Variants in PGM5 observed in about 807,000 individuals in gnomAD.
The protein encoded by PGM5 is phosphoglucomutase 5.
In PGM5, 23 loss-of-function variants were observed where a neutral mutation model predicts 59.2. The ratio of observed to expected loss-of-function variants is 0.39; its 90% CI spans 0.28 to 0.55. The LOEUF is 0.55. Among genes scored for constraint, PGM5 ranks in the 20% least tolerant of loss-of-function variants. PGM5 has a pLI of 0.66. For synonymous variants in PGM5, 214 were observed against 286.0 expected (o/e 0.75, Z 2.54); for missense variants, 574 against 748.3 (o/e 0.77, Z 2.72).
chr9:68,428,686 C>T (rs1823290088), intron 6 of PGM5: 5 of 152,202 alleles, frequency 3.3e-5, no homozygotes, highest in Admixed American at 3.3e-4. Flanking sequence ...ACACTCTGCT[C>T]TGTGCTTCTC....
intron 4 of PGM5, among the ~76,000 whole-genome samples, chr9:68,388,867 T>C (rs1822294617): frequency 6.6e-6 from 1 of 150,502 alleles, no homozygotes; most frequent in African/African-American, 2.4e-5. Flanking sequence ...AGTGTTCCTC[T>C]GTTTTTCAAT....
intron 7 of PGM5, among the ~76,000 whole-genome samples, chr9:68,467,877 T>G (rs1458070790): frequency 6.6e-6 from 1 of 152,206 alleles, no homozygotes; most frequent in African/African-American, 2.4e-5. Context: ...TTATAGTAAT[T>G]ATTAATTTAA....
chr9:68,459,992 G>A (rs1823833490), intron 6 of PGM5, among the ~76,000 whole-genome samples: 1 of 152,166 alleles, frequency 6.6e-6, no homozygotes, highest in Non-Finnish European at 1.5e-5. Context: ...GGGTCTGAGA[G>A]TTCAGTGTGT....
At chr9:68,510,499 T>C (rs1824732803) in intron 10 of PGM5, among the ~76,000 whole-genome samples, 1 of 152,134 alleles carries the variant, frequency 6.6e-6, no homozygotes, top group African/African-American at 2.4e-5. Context: ...TTTTCCAGTT[T>C]TGTGATCTTG....
intron 6 of PGM5, among the ~76,000 whole-genome samples, chr9:68,448,019 A>G (rs528208439): frequency 5.3e-5 from 8 of 152,300 alleles, no homozygotes; most frequent in Middle Eastern, 3.4e-3. Flanking sequence ...TAGAAATTTC[A>G]CTGAAATAAA....
At chr9:68,421,636 G>A (rs1280336710) in intron 6 of PGM5, among the ~76,000 whole-genome samples, 1 of 152,088 alleles carries the variant, frequency 6.6e-6, no homozygotes. Context: ...AGAATCACTT[G>A]AACCCGGGAG....
At chr9:68,375,857 A>T (rs548281538) in intron 1 of PGM5, among the ~76,000 whole-genome samples, 48 of 152,358 alleles carry the variant, frequency 3.2e-4, no homozygotes, top group African/African-American at 1.1e-3. Flanking sequence ...AACCCAAAAG[A>T]CAGTAGAGGG....
intron 9 of PGM5, among the ~76,000 whole-genome samples, chr9:68,492,936 G>T (rs1015435207): frequency 1.3e-5 from 2 of 152,204 alleles, no homozygotes; most frequent in African/African-American, 4.8e-5. Context: ...ATAAATCGTT[G>T]TGATTTCCTG....
chr9:68,519,897 C>CAATA (rs58819780), intron 10 of PGM5, among the ~76,000 whole-genome samples: 25,291 of 139,702 alleles, frequency 0.18, 2,450 homozygotes, highest in Non-Finnish European at 0.21. Context: ...CTTGTCTTTA[C>CAATA]AATAAATAAA....
chr9:68,496,180 C>A (rs1554688138), intron 9 of PGM5, among the ~76,000 whole-genome samples: 2 of 152,178 alleles, frequency 1.3e-5, no homozygotes, highest in Non-Finnish European at 2.9e-5. Context: ...GGAAACTTTG[C>A]AAGTCTTGGT....
Position 68,391,520 on chromosome 9 carries a change from G to T in PGM5, c.698-14G>T. ...TTCTGCAAATATTTAATATTGCTGT[G>T]TATCTATTTTTAGTTATGGGACCTT... On this transcript the variant is annotated splice_polypyrimidine_tract_variant and intron_variant, in intron 4 of 10. Coordinates refer to ENST00000396396, the MANE Select transcript of PGM5 (RefSeq NM_021965.4). 2 of 1,612,650 alleles carry T rather than the reference G, an allele frequency of 1.2e-6. No individual in the cohort carries two copies. The highest frequency in any genetic ancestry group is 1.3e-5 in the African/African-American group (1 of 74,924).
Position 68,378,911 on chromosome 9 carries a change from T to C in PGM5, c.424+550T>C, listed in dbSNP as rs190174369. On this transcript the variant is annotated intron_variant, in intron 2 of 10. Coordinates refer to ENST00000396396, the MANE Select transcript of PGM5 (RefSeq NM_021965.4). ...ATATATGTATGGAGTAAATTTCTTT[T>C]AAAATTGAACACACAAAAAAATAGG... 1.9e-3 allele frequency among the ~76,000 whole-genome samples: 289 copies of C among 152,244 alleles called. 3 individuals carry two copies. The highest frequency in any genetic ancestry group is 6.6e-3 in the African/African-American group (275 of 41,550).
At chr9:68,426,357 C>T (rs1359483879) in intron 6 of PGM5, among the ~76,000 whole-genome samples, 2 of 151,534 alleles carry the variant, frequency 1.3e-5, no homozygotes, top group African/African-American at 4.8e-5. Flanking sequence ...CTCTTATAAC[C>T]TTCAGATTTC....
At chr9:68,520,680 C>T (rs1219652854) in intron 10 of PGM5, among the ~76,000 whole-genome samples, 1 of 152,166 alleles carries the variant, frequency 6.6e-6, no homozygotes, top group Non-Finnish European at 1.5e-5. Flanking sequence ...TAAAATGTAT[C>T]ATCTCTTCAT....
chr9:68,467,547 G>A (rs1554685921), intron 7 of PGM5, among the ~76,000 whole-genome samples: 1 of 152,168 alleles, frequency 6.6e-6, no homozygotes, highest in African/African-American at 2.4e-5. Flanking sequence ...AACTCTAAAA[G>A]TAATTTCTTA....
chr9:68,419,651 C>T (rs1352002123), intron 6 of PGM5, among the ~76,000 whole-genome samples: 1 of 152,210 alleles, frequency 6.6e-6, no homozygotes, highest in Non-Finnish European at 1.5e-5. Flanking sequence ...TCCCTGGTAA[C>T]CAGCATCTAT....
At chr9:68,430,161 A>G (rs933733508) in intron 6 of PGM5, among the ~76,000 whole-genome samples, 1 of 152,400 alleles carries the variant, frequency 6.6e-6, no homozygotes, top group South Asian at 2.1e-4. Flanking sequence ...TTTTAAAAAT[A>G]CATGGTTTCC....
At chr9:68,402,014 G>A (rs1587794643) in intron 6 of PGM5, among the ~76,000 whole-genome samples, 1 of 152,168 alleles carries the variant, frequency 6.6e-6, no homozygotes, top group African/African-American at 2.4e-5. Context: ...TGTAATCCCA[G>A]CACTTTGGGA....
chr9:68,421,984 TAATAA>T (rs1823138221), intron 6 of PGM5, among the ~76,000 whole-genome samples: 1 of 151,986 alleles, frequency 6.6e-6, no homozygotes, highest in Non-Finnish European at 1.5e-5. Flanking sequence ...AAAATCAAGG[TAATAA>T]AATGTTAAAG....
Sources: allele counts gnomAD v4.1 joint callset (sites outside exome capture counted in the v4.1 genomes callset), GRCh38; gene constraint gnomAD v4.1.1; transcripts MANE v1.5; gene names NCBI Gene and HGNC (gene_info 2026-07-23, HGNC 2026-07-21).